The following GTPBP8 variants were observed in gnomAD, a reference collection of about 807,000 sequenced individuals.
GTPBP8 encodes GTP-binding protein 8.
GTPBP8 carries 21 observed loss-of-function variants against 27.3 expected under a neutral mutation model. The ratio of observed to expected loss-of-function variants is 0.77; its 90% CI spans 0.55 to 1.11. The LOEUF (loss-of-function observed/expected upper bound fraction) is 1.11. GTPBP8 is among the 50% of genes least tolerant of loss of function. GTPBP8 has a pLI of 0.00. For synonymous variants in GTPBP8, 147 were observed against 135.3 expected (o/e 1.09, Z -0.60); for missense variants, 380 against 350.8 (o/e 1.08, Z -0.67).
At chr3:112,994,561 ATGT>A (rs1302421583) in intron 2 of GTPBP8, among the ~76,000 whole-genome samples, 1 of 152,170 alleles carries the variant, frequency 6.6e-6, no homozygotes, top group Non-Finnish European at 1.5e-5. Context: ...TGTAATTATC[ATGT>A]TGTATATGCA....
rs1231835199 is a variant in GTPBP8, at chr3:112,991,180, T to G, written c.181T>G (p.Tyr61Asp). 6.2e-7 allele frequency: 1 copy of G among 1,614,136 alleles called. No homozygotes were observed. The highest frequency in any genetic ancestry group is 1.1e-5 in the South Asian group (1 of 91,084). The change falls in exon 1 of 6, where the codon TAC becomes GAC. Residue 61 changes from tyrosine to aspartate, a missense_variant. Tyr to Asp is a radical substitution (Grantham distance 160, BLOSUM62 -3). Coordinates refer to ENST00000383678, the MANE Select transcript of GTPBP8 (RefSeq NM_014170.4). Reference protein sequence around the residue: ...LQEVERFLAPYGRQDLHLRIF... With the variant: ...LQEVERFLAPDGRQDLHLRIF... ...GGAAGTAGAGCGGTTCCTCGCCCCC[T>G]ACGGGAGGCAAGACCTTCACCTGCG...
At position 112,995,267 on chromosome 3, in the gene GTPBP8, T is replaced by G. The variant is rs1933762896; in HGVS notation, c.566+2T>G. ...GACCTATCTAAAAGAACGAAGGAAG[T>G]AAGGAAAAGATTTTCTTATAATAGT... On this transcript the variant is annotated splice_donor_variant, in intron 3 of 5. Transcript: ENST00000383678. LOFTEE classifies it high-confidence loss of function. The G allele has an allele frequency of 1.3e-6, 2 of 1,581,084 alleles. No individual in the cohort carries two copies. The highest frequency in any genetic ancestry group is 1.4e-5 in the African/African-American group (1 of 73,168).
intron 1 of GTPBP8, 60 bp from the exon 2 acceptor site, chr3:112,992,966 A>G (rs1933711537): frequency 1.2e-6 from 1 of 853,942 alleles, no homozygotes; most frequent in Non-Finnish European, 1.9e-6. Flanking sequence ...AGTTTTTTAC[A>G]TCTAATGCAG....
intron 1 of GTPBP8, chr3:112,992,397 T>C (rs1365512917): frequency 1.3e-5 from 2 of 152,268 alleles, no homozygotes; most frequent in Non-Finnish European, 2.9e-5. Flanking sequence ...TTAGAACAAC[T>C]GATTGGCATT....
At position 113,001,683 on chromosome 3, in the gene GTPBP8, T is replaced by A. The variant is rs973396454; in HGVS notation, c.*764T>A. On this transcript the variant is annotated 3_prime_UTR_variant, in exon 6 of 6. Transcript: ENST00000383678. The stretch of plus-strand genomic sequence containing the variant: ...ATTTATTACAAGAAATGTCCTTTCA[T>A]GGGGGAAGTAACATTTTCACTAGTG... 2 of 152,114 alleles carry A rather than the reference T, an allele frequency of 1.3e-5. No homozygotes were observed. Among genetic ancestry groups the A allele is most frequent in the African/African-American group, 2.4e-5 (1 of 41,434 alleles). The allele number at this position is 152,114 out of a possible 1,614,324, so 9.4% of individuals were successfully genotyped here. A position where few individuals can be genotyped will look rare whatever the true frequency, so the allele number is the denominator to read the frequency against.
chr3:112,994,774 TTCA>T (rs1438594944), intron 2 of GTPBP8, among the ~76,000 whole-genome samples: 2 of 152,214 alleles, frequency 1.3e-5, no homozygotes, highest in East Asian at 3.8e-4. Context: ...AGATACATTG[TTCA>T]TCAGAGAATA....
At chr3:112,996,818 AC>A (rs1933795401) in intron 3 of GTPBP8, 73 bp from the exon 4 acceptor site, 2 of 726,736 alleles carry the variant, frequency 2.8e-6, no homozygotes, top group African/African-American at 3.6e-5. Flanking sequence ...ATTTCTTAGT[AC>A]AGTAAGGAAG....
rs556187340 is a variant in GTPBP8, at chr3:112,993,746, C to T, written c.435+622C>T. On this transcript the variant is annotated intron_variant, in intron 2 of 5. Transcript: ENST00000383678. The stretch of plus-strand genomic sequence containing the variant: ...AATGTTCACTATCCCTGTGTATGTG[C>T]GTGCACGAACGCACACACACCCCTT... Among the ~76,000 whole-genome samples, 9 of 152,264 alleles carry T rather than the reference C, an allele frequency of 5.9e-5. No homozygotes were observed. In the South Asian group the frequency reaches 1.4e-3, roughly 25 times the overall value.
Position 112,991,310 on chromosome 3 carries a change from A to C in GTPBP8, c.311A>C (p.His104Pro). 2 of 1,613,610 alleles carry C rather than the reference A, an allele frequency of 1.2e-6. No individual in the cohort carries two copies. Among genetic ancestry groups the C allele is most frequent in the East Asian group, 2.2e-5 (1 of 44,876 alleles). Residue 104 changes from histidine to proline, a missense_variant, in exon 1 of 6, where the codon CAC becomes CCC. Coordinates refer to ENST00000383678, the MANE Select transcript of GTPBP8 (RefSeq NM_014170.4). ...DYVSSAVRIDHAPDLPRPEVC... is the reference protein window; with the variant it reads ...DYVSSAVRIDPAPDLPRPEVC... ...GTCAGCTCCGCCGTCCGTATCGACC[A>C]CGCCCCGGACCTTCCGCGGCCAGAG...
intron 4 of GTPBP8, among the ~76,000 whole-genome samples, chr3:112,997,544 A>G (rs1261698870): frequency 6.6e-6 from 1 of 152,216 alleles, no homozygotes; most frequent in African/African-American, 2.4e-5. Context: ...AGAATTGTAG[A>G]TTGGTATCCA....
intron 4 of GTPBP8, among the ~76,000 whole-genome samples, chr3:112,998,472 A>C (rs9288967): frequency 0.58 from 88,220 of 151,892 alleles, 29,238 homozygotes; most frequent in Non-Finnish European, 0.75. Context: ...TTGGAAACCT[A>C]CCTGTGTTCA....
chr3:112,995,243 A>T lies in GTPBP8; in HGVS notation c.544A>T (p.Thr182Ser). The change falls in exon 3 of 6, where the codon ACC becomes TCC. Residue 182 changes from threonine to serine, a missense_variant. By Grantham distance (58) the Thr-to-Ser change is moderately conservative. Coordinates refer to ENST00000383678, the MANE Select transcript of GTPBP8 (RefSeq NM_014170.4). ...APEDFVDMVE[T>S]YLKERRNLKR... ...TGAAGATTTTGTTGACATGGTAGAG[A>T]CCTATCTAAAAGAACGAAGGAAGTA... 4 of 1,602,008 alleles carry T rather than the reference A, an allele frequency of 2.5e-6. No homozygotes were observed. Among genetic ancestry groups the T allele is most frequent in the Non-Finnish European group, 3.4e-6 (4 of 1,173,922 alleles).
rs1277473699 is a variant in GTPBP8, at chr3:112,991,112, G to A, written c.113G>A (p.Arg38Gln). The change falls in exon 1 of 6, where the codon CGG becomes CAG. Residue 38 changes from arginine to glutamine, a missense_variant. Transcript: ENST00000383678. ...STSQAFAEVL[R>Q]LPKQQLRKLL... Reference sequence around the variant, plus strand: ...TCCCAAGCTTTTGCTGAGGTGCTGCGGCTGCCGAAGCAGCAGCTGAGGAAG... The same window carrying A: ...TCCCAAGCTTTTGCTGAGGTGCTGCAGCTGCCGAAGCAGCAGCTGAGGAAG... 2 of 1,612,750 alleles carry A rather than the reference G, an allele frequency of 1.2e-6. No individual in the cohort carries two copies. The highest frequency in any genetic ancestry group is 1.7e-6 in the Non-Finnish European group (2 of 1,179,806).
chr3:112,998,393 T>C lies in GTPBP8; in HGVS notation c.667-1053T>C, dbSNP rs114120163. Among the ~76,000 whole-genome samples, 689 of 152,250 alleles carry C rather than the reference T, an allele frequency of 4.5e-3. 2 individuals are homozygous for C. The highest frequency in any genetic ancestry group is 7.7e-3 in the Non-Finnish European group (522 of 68,008). Reference sequence around the variant, plus strand: ...GGAAACATGTTTTCTGATGGTATTATAAAGTATATTACAAAGGATATAATG... The same window carrying C: ...GGAAACATGTTTTCTGATGGTATTACAAAGTATATTACAAAGGATATAATG... On this transcript the variant is annotated intron_variant, in intron 4 of 5. Coordinates refer to ENST00000383678, the MANE Select transcript of GTPBP8 (RefSeq NM_014170.4).
intron 4 of GTPBP8, 49 bp downstream of exon 4, chr3:112,997,040 C>T (rs200408169): frequency 1.2e-5 from 10 of 851,038 alleles, no homozygotes; most frequent in East Asian, 4.9e-5. Context: ...ATCAGTTCTA[C>T]GTGCATCTGT....
At chr3:112,999,623 G>GT in intron 5 of GTPBP8, 59 bp downstream of exon 5, 1 of 721,602 alleles carries the variant, frequency 1.4e-6, no homozygotes, top group Non-Finnish European at 2.4e-6. Flanking sequence ...GAATGTTGTG[G>GT]GTTTTTTTTT....
At chr3:112,999,624 G>GT (rs557348814) in intron 5 of GTPBP8, 60 bp downstream of exon 5, 8,427 of 624,906 alleles carry the variant, frequency 0.013, 9 homozygotes, top group South Asian at 0.039. Flanking sequence ...AATGTTGTGG[G>GT]TTTTTTTTTT....
chr3:112,999,424 A>G (rs367914666), intron 4 of GTPBP8, 22 bp from the exon 5 acceptor site: 4 of 865,796 alleles, frequency 4.6e-6, no homozygotes, highest in Non-Finnish European at 7.3e-6. Context: ...TTTCTAATGC[A>G]TAAAAATTTG....
chr3:112,996,493 T>C (rs915778078), intron 3 of GTPBP8, among the ~76,000 whole-genome samples: 1 of 152,082 alleles, frequency 6.6e-6, no homozygotes, highest in South Asian at 2.1e-4. Flanking sequence ...TTATAACTTA[T>C]GGTTAATTTT....
Sources: gnomAD v4.1 joint callset for allele counts (sites outside exome capture counted in the v4.1 genomes callset) on GRCh38, gnomAD v4.1.1 for gene constraint, MANE v1.5 for transcripts, NCBI Gene and HGNC (gene_info 2026-07-23, HGNC 2026-07-21) for gene names.